AVEN: variants seen among roughly 807,000 people sequenced by gnomAD.
AVEN encodes cell death regulator Aven.
Under a neutral mutation model 38.1 loss-of-function variants are expected in AVEN, and 41 were observed. That is an observed-to-expected ratio of 1.08 (90% confidence interval 0.84 to 1.40). The LOEUF (loss-of-function observed/expected upper bound fraction) is 1.40. Among genes scored for constraint, AVEN ranks in the 40% most tolerant of loss-of-function variants. The pLI is 0.00. For missense variants in AVEN, 605 were observed against 438.8 expected, an observed-to-expected ratio of 1.38 and a Z score of -3.38; for synonymous variants, 206 against 171.8, an observed-to-expected ratio of 1.20 and a Z score of -1.56.
rs536254744 is a variant in AVEN, at chr15:33,987,859, C to T, written c.445+15173G>A. 2.6e-5 allele frequency among the ~76,000 whole-genome samples: 4 copies of T among 152,328 alleles called. No individual in the cohort carries two copies. The South Asian group carries it at 8.3e-4, about 32-fold the overall frequency. Reference sequence around the variant, plus strand: ...GATCACACCCTGGATGCCTAGGAAGCTTTCTGGCCCCATGGAAAACCCTAA... The same window carrying T: ...GATCACACCCTGGATGCCTAGGAAGTTTTCTGGCCCCATGGAAAACCCTAA... On this transcript the variant is annotated intron_variant, in intron 2 of 5. Transcript: ENST00000306730.
intron 1 of AVEN, among the ~76,000 whole-genome samples, chr15:34,030,236 AGAGT>A (rs1196409318): frequency 3.3e-5 from 5 of 152,224 alleles, no homozygotes; most frequent in African/African-American, 9.6e-5. Flanking sequence ...CCTGGGTGAC[AGAGT>A]GAGTGAGACT....
Position 33,952,575 on chromosome 15 carries a change from C to T in AVEN, c.445+50457G>A, listed in dbSNP as rs146056344. Among the ~76,000 whole-genome samples the T allele has an allele frequency of 3.0e-3, 456 of 152,146 alleles. 2 individuals carry two copies. Among genetic ancestry groups the T allele is most frequent in the Middle Eastern group, 6.8e-3 (2 of 294 alleles). ...CCGCATAAATAATGAAAGAGTATTACGTCTTTTTTAAAAACTGGCTCCCAA... is the reference window on the plus strand; with the variant it reads ...CCGCATAAATAATGAAAGAGTATTATGTCTTTTTTAAAAACTGGCTCCCAA... On this transcript the variant is annotated intron_variant, in intron 2 of 5. Coordinates refer to ENST00000306730, the MANE Select transcript of AVEN (RefSeq NM_020371.3).
At chr15:34,008,952 G>GCACACACA (rs142138959) in intron 1 of AVEN, among the ~76,000 whole-genome samples, 1 of 95,516 alleles carries the variant, frequency 1.0e-5, no homozygotes, top group Non-Finnish European at 2.8e-5. Flanking sequence ...ACGTGCGCGC[G>GCACACACA]CGCACACACA....
chr15:34,040,170 CAAAA>C (rs922746200), upstream of AVEN, among the ~76,000 whole-genome samples: 14 of 147,710 alleles, frequency 9.5e-5, no homozygotes, highest in African/African-American at 3.2e-4. Context: ...AAAACAAAAA[CAAAA>C]AAAAAACCTT....
chr15:33,913,830 C>T (rs184430995), intron 2 of AVEN, among the ~76,000 whole-genome samples: 1 of 152,152 alleles, frequency 6.6e-6, no homozygotes. Flanking sequence ...AAGACCATTC[C>T]TTATTCTTGG....
chr15:33,924,275 C>G (rs1432990022), intron 2 of AVEN, among the ~76,000 whole-genome samples: 1 of 151,302 alleles, frequency 6.6e-6, no homozygotes, highest in African/African-American at 2.4e-5. Flanking sequence ...GAGGCTGAGG[C>G]ACAAGAATCA....
chr15:33,909,818 A>G (rs1892849514), intron 2 of AVEN, among the ~76,000 whole-genome samples: 1 of 152,158 alleles, frequency 6.6e-6, no homozygotes, highest in Non-Finnish European at 1.5e-5. Context: ...TTTATGTAGC[A>G]CCTTTTTTAA....
intron 11 of AVEN, chr15:33,860,531 T>C (rs1887799645): frequency 2.1e-6 from 2 of 970,138 alleles, no homozygotes; most frequent in African/African-American, 3.3e-5. Flanking sequence ...AGCTTCTTCC[T>C]TTATCATTCC....
intron 2 of AVEN, 26 bp from the exon 3 acceptor site, chr15:33,876,021 T>C (rs749314882): frequency 6.3e-7 from 1 of 1,575,876 alleles, no homozygotes; most frequent in South Asian, 1.1e-5. Context: ...AAAAAAAAAT[T>C]TATGCAAAAG....
chr15:33,961,609 C>A (rs183881483), intron 2 of AVEN, among the ~76,000 whole-genome samples: 42 of 151,496 alleles, frequency 2.8e-4, no homozygotes, highest in East Asian at 1.2e-3. Flanking sequence ...GTCAGGAGAT[C>A]GAGACCATTC....
chr15:33,948,344 C>T (rs535395372), intron 2 of AVEN, among the ~76,000 whole-genome samples: 1 of 152,202 alleles, frequency 6.6e-6, no homozygotes, highest in South Asian at 2.1e-4. Flanking sequence ...ATCCACCCGG[C>T]TCGGCCTCCC....
downstream of AVEN, chr15:33,856,106 C>G (rs545766189): frequency 1.1e-4 from 16 of 152,320 alleles, no homozygotes; most frequent in African/African-American, 3.9e-4. Flanking sequence ...CTCAGAGCAG[C>G]TAAATGTCTC....
intron 2 of AVEN, among the ~76,000 whole-genome samples, chr15:33,966,266 G>A (rs1895378926): frequency 1.3e-5 from 2 of 152,128 alleles, no homozygotes; most frequent in Admixed American, 1.3e-4. Context: ...CTTGGAAAGA[G>A]AATGGAAGCA....
chr15:34,042,352 C>T (rs866468008), upstream of AVEN, among the ~76,000 whole-genome samples: 3 of 150,556 alleles, frequency 2.0e-5, no homozygotes, highest in African/African-American at 7.3e-5. Flanking sequence ...TCCTTAGAAA[C>T]GAAACTGTAC....
chr15:33,862,186 TTC>T (rs60669727), downstream of AVEN, among the ~76,000 whole-genome samples: 3 of 152,078 alleles, frequency 2.0e-5, no homozygotes, highest in Non-Finnish European at 2.9e-5. Flanking sequence ...CTCTTCCCCC[TTC>T]TCTCTCTATT....
chr15:34,038,756 G>A (rs867276587), intron 1 of AVEN, 24 bp downstream of exon 1: 43 of 1,159,268 alleles, frequency 3.7e-5, no homozygotes, highest in Middle Eastern at 3.6e-4. Context: ...CGCGGTCCCA[G>A]CCCCACCAGC....
At chr15:34,008,976 A>AC (rs1567464084) in intron 1 of AVEN, among the ~76,000 whole-genome samples, 1 of 125,874 alleles carries the variant, frequency 7.9e-6, no homozygotes, top group Non-Finnish European at 1.9e-5. Flanking sequence ...ACACACACAC[A>AC]GACCATCGAG....
intron 2 of AVEN, among the ~76,000 whole-genome samples, chr15:33,946,847 G>T (rs1477603135): frequency 6.6e-6 from 1 of 152,136 alleles, no homozygotes; most frequent in African/African-American, 2.4e-5. Flanking sequence ...GATGTAGTGC[G>T]GGCTCGGTCA....
rs547821343 is a variant in AVEN, at chr15:34,017,672, G to A, written c.268-14463C>T. On this transcript the variant is annotated intron_variant, in intron 1 of 5. Transcript: ENST00000306730. ...TTTTTGTATTTTTAGTAGAGACAGG[G>A]TTTCACCATGTTGGCCAGGCAGGTC... Among the ~76,000 whole-genome samples, 9 of 152,034 alleles carry A rather than the reference G, an allele frequency of 5.9e-5. 1 individual carries two copies. The South Asian group carries it at 1.9e-3, about 32-fold the overall frequency.
Sources: allele counts gnomAD v4.1 joint callset (sites outside exome capture counted in the v4.1 genomes callset), GRCh38; gene constraint gnomAD v4.1.1; transcripts MANE v1.5; gene names NCBI Gene and HGNC (gene_info 2026-07-23, HGNC 2026-07-21).